FSIP2: variants seen among roughly 807,000 people sequenced by gnomAD.
FSIP2 encodes the protein fibrous sheath-interacting protein 2.
FSIP2 carries 367 observed loss-of-function variants against 510.5 expected under a neutral mutation model. That is an observed-to-expected ratio of 0.72 (90% CI 0.66 to 0.78). The LOEUF is 0.78. Ranked by LOEUF, FSIP2 falls within the 30% of genes least tolerant of loss-of-function variation. The pLI is 0.00. For synonymous variants in FSIP2, 2,601 were observed against 2,732.2 expected, an observed-to-expected ratio of 0.95 and a Z score of 1.50; for missense variants, 7,594 against 7,901.7, an observed-to-expected ratio of 0.96 and a Z score of 1.48.
Position 185,788,803 on chromosome 2 carries a change from C to A in FSIP2, c.1667C>A (p.Ser556Ter). The change falls in exon 16 of 23, where the codon TCA becomes TAA. Residue 556 changes from serine (S) to a stop codon, truncating the protein, a stop_gained. Transcript: ENST00000424728. LOFTEE classifies it high-confidence loss of function. ...GACTCCATCCTCTCTTCAGATAGTT[C>A]AAGTTTCTGTAGCACGTGCAGTGAA... Reference protein sequence around the residue: ...SDDSILSSDSSSFCSTCSEDF... With the variant: ...SDDSILSSDS The A allele has an allele frequency of 1.3e-6, 2 of 1,533,856 alleles. No homozygotes were observed. Among genetic ancestry groups the A allele is most frequent in the Non-Finnish European group, 1.7e-6 (2 of 1,145,204 alleles).
intron 10 of FSIP2, among the ~76,000 whole-genome samples, chr2:185,761,329 GTAA>G (rs1246204168): frequency 3.3e-5 from 5 of 151,064 alleles, no homozygotes; most frequent in Non-Finnish European, 7.4e-5. Context: ...ACATTTGGCA[GTAA>G]TAATAATAAT....
chr2:185,786,191 G>A, intron 14 of FSIP2, 61 bp from the exon 15 acceptor site: 1 of 1,053,530 alleles, frequency 9.5e-7, no homozygotes, highest in Non-Finnish European at 1.3e-6. Flanking sequence ...AGAAATTTTG[G>A]GAAAAGTTTT....
intron 7 of FSIP2, among the ~76,000 whole-genome samples, chr2:185,748,405 G>T (rs1171442254): frequency 6.6e-6 from 1 of 151,550 alleles, no homozygotes; most frequent in Non-Finnish European, 1.5e-5. Flanking sequence ...TCCTCCTGAA[G>T]GGCTGGGATT....
chr2:185,828,670 T>A (rs1694056256), intron 21 of FSIP2, among the ~76,000 whole-genome samples: 3 of 151,876 alleles, frequency 2.0e-5, no homozygotes, highest in African/African-American at 7.2e-5. Flanking sequence ...TAAACATTAC[T>A]TCTTTACCGG....
At chr2:185,757,927 C>T (rs1692273495) in intron 9 of FSIP2, among the ~76,000 whole-genome samples, 1 of 151,072 alleles carries the variant, frequency 6.6e-6, no homozygotes, top group Admixed American at 6.6e-5. Flanking sequence ...CTCCCTCATG[C>T]TGTTTATTTG....
intron 19 of FSIP2, among the ~76,000 whole-genome samples, chr2:185,823,823 C>T (rs967841459): frequency 2.0e-5 from 3 of 151,614 alleles, no homozygotes; most frequent in African/African-American, 7.3e-5. Flanking sequence ...TGGAAGCAAT[C>T]CCAATGTCCA....
intron 2 of FSIP2, among the ~76,000 whole-genome samples, chr2:185,740,073 G>A (rs1691893407): frequency 6.6e-6 from 1 of 152,110 alleles, no homozygotes; most frequent in Admixed American, 6.5e-5. Flanking sequence ...TCCAACCAGA[G>A]AGGCTCAGCT....
At chr2:185,769,124 G>T (rs967297387) in intron 13 of FSIP2, among the ~76,000 whole-genome samples, 1 of 152,098 alleles carries the variant, frequency 6.6e-6, no homozygotes, top group Admixed American at 6.6e-5. Flanking sequence ...TGATAGAATG[G>T]TGTATGGTTC....
chr2:185,813,170 T>G (rs1693769560), intron 17 of FSIP2, among the ~76,000 whole-genome samples: 1 of 152,050 alleles, frequency 6.6e-6, no homozygotes, highest in Admixed American at 6.6e-5. Context: ...AATATGTGTA[T>G]TTAGATTTCT....
Position 185,804,122 on chromosome 2 carries a change from T to C in FSIP2, c.14816T>C (p.Leu4939Ser), listed in dbSNP as rs1003485116. 11 of 1,523,052 alleles carry C rather than the reference T, an allele frequency of 7.2e-6. No homozygotes were observed. In the East Asian group the frequency reaches 2.5e-4, roughly 34 times the overall value. The allele number at this position is 1,523,052 out of a possible 1,614,324, so 94.3% of individuals were successfully genotyped here. ...LKAIDPKQRE[L>S]SFIVNSSVFL... is the part of the protein sequence containing the mutation. ...GCAATAGATCCTAAACAAAGAGAATTATCTTTTATTGTGAACTCATCTGTC... is the reference window on the plus strand; with the variant it reads ...GCAATAGATCCTAAACAAAGAGAATCATCTTTTATTGTGAACTCATCTGTC... Residue 4939 changes from leucine to serine, a missense_variant, in exon 17 of 23, where the codon TTA becomes TCA. Coordinates refer to ENST00000424728, the MANE Select transcript of FSIP2 (RefSeq NM_173651.4).
chr2:185,815,214 A>G (rs1442110600), intron 18 of FSIP2, among the ~76,000 whole-genome samples, 157 bp from the exon 19 acceptor site: 1 of 152,020 alleles, frequency 6.6e-6, no homozygotes, highest in African/African-American at 2.4e-5. Flanking sequence ...ATTGGAAGAC[A>G]CCTTTTAATT....
chr2:185,782,016 T>TTAA (rs1692860810), intron 13 of FSIP2, among the ~76,000 whole-genome samples: 1 of 152,192 alleles, frequency 6.6e-6, no homozygotes, highest in Admixed American at 6.5e-5. Context: ...TTTTGTATTT[T>TTAA]TAATAGAGAC....
In FSIP2 at chr2:185,738,811, G is replaced by C; in HGVS notation, c.-84G>C. 1 of 1,535,954 alleles carries C rather than the reference G, an allele frequency of 6.5e-7. No individual in the cohort carries two copies. The highest frequency in any genetic ancestry group is 8.7e-7 in the Non-Finnish European group (1 of 1,146,798). ...GGTCGTTGGGCTCTGGCCATTCCTG[G>C]TCAGGTCCGGACAGAGGGACAACGG... On this transcript the variant is annotated 5_prime_UTR_variant, in exon 1 of 23. Coordinates refer to ENST00000424728, the MANE Select transcript of FSIP2 (RefSeq NM_173651.4).
chr2:185,739,486 A>T lies in FSIP2; in HGVS notation c.225+15A>T. 1 of 1,489,278 alleles carries T rather than the reference A, an allele frequency of 6.7e-7. No homozygotes were observed. The allele number at this position is 1,489,278 out of a possible 1,614,324, so 92.3% of individuals were successfully genotyped here. ...TCGGTGAAAAGGTGAACAAGTTTTTATCGTCTTTCTTTCCTTTACCCTTTA... is the reference window on the plus strand; with the variant it reads ...TCGGTGAAAAGGTGAACAAGTTTTTTTCGTCTTTCTTTCCTTTACCCTTTA... On this transcript the variant is annotated intron_variant, in intron 2 of 22. Coordinates refer to ENST00000424728, the MANE Select transcript of FSIP2 (RefSeq NM_173651.4).
rs1694007317 is a variant in FSIP2, at chr2:185,825,999, G to A, written c.20473+1519G>A. Among the ~76,000 whole-genome samples the A allele has an allele frequency of 1.3e-5, 2 of 151,760 alleles. 1 individual carries two copies. Among genetic ancestry groups the A allele is most frequent in the Admixed American group, 1.3e-4 (2 of 15,196 alleles). On this transcript the variant is annotated intron_variant, in intron 20 of 22. Coordinates refer to ENST00000424728, the MANE Select transcript of FSIP2 (RefSeq NM_173651.4). The stretch of plus-strand genomic sequence containing the variant: ...TTCTACTGTACTTTATCTATGTTAA[G>A]ATACACGAATACTTACCATTGTGTT...
Position 185,788,706 on chromosome 2 carries a change from A to G in FSIP2, c.1570A>G (p.Thr524Ala). 6.5e-7 allele frequency: 1 copy of G among 1,532,912 alleles called. No homozygotes were observed. The highest frequency in any genetic ancestry group is 8.7e-7 in the Non-Finnish European group (1 of 1,144,644). The allele number at this position is 1,532,912 out of a possible 1,614,324, so 95.0% of individuals were successfully genotyped here. Residue 524 changes from threonine to alanine, a missense_variant, in exon 16 of 23, where the codon ACC becomes GCC. Physicochemically the swap from Thr to Ala is moderately conservative, Grantham distance 58 (BLOSUM62 0). Transcript: ENST00000424728. ...NVMTWVVATV[T>A]SILYPAITKY... ...AATGACCTGGGTTGTGGCTACAGTGACCAGTATATTGTACCCAGCCATCAC... is the reference window on the plus strand; with the variant it reads ...AATGACCTGGGTTGTGGCTACAGTGGCCAGTATATTGTACCCAGCCATCAC...
chr2:185,791,713 T>A lies in FSIP2; in HGVS notation c.4577T>A (p.Ile1526Asn), dbSNP rs912987337. 4 of 1,534,448 alleles carry A rather than the reference T, an allele frequency of 2.6e-6. No individual in the cohort carries two copies. Among genetic ancestry groups the A allele is most frequent in the Non-Finnish European group, 3.5e-6 (4 of 1,145,604 alleles). Residue 1526 changes from isoleucine (I) to asparagine (N), a missense_variant, in exon 16 of 23, where the codon ATT becomes AAT. Ile to Asn is a moderately radical substitution (Grantham distance 149, BLOSUM62 -3). Transcript: ENST00000424728. ...LDIDNPSFAS[I>N]IEKMAKSTKI... ...ATTGACAACCCATCATTTGCTTCAA[T>A]TATTGAGAAAATGGCCAAATCCACC... is the stretch of plus-strand genomic sequence containing the variant.
In FSIP2 at chr2:185,806,591, A is replaced by C; in HGVS notation, c.17285A>C (p.Lys5762Thr). ...REKEKVREEI[K>T]SEPSKPDDPQ... is the part of the protein sequence containing the mutation. ...AAAGAGAAAGTAAGAGAGGAGATTA[A>C]AAGTGAACCCAGTAAACCAGATGAT... The change falls in exon 17 of 23, where the codon AAA (lysine) becomes ACA (threonine). Residue 5762 changes from lysine to threonine, a missense_variant. Coordinates refer to ENST00000424728, the MANE Select transcript of FSIP2 (RefSeq NM_173651.4). 6.2e-7 allele frequency: 1 copy of C among 1,608,012 alleles called. No homozygotes were observed. Among genetic ancestry groups the C allele is most frequent in the African/African-American group, 1.3e-5 (1 of 74,472 alleles).
chr2:185,796,549 A>G lies in FSIP2; in HGVS notation c.9413A>G (p.Gln3138Arg), dbSNP rs757526333. 2.0e-4 allele frequency: 310 copies of G among 1,534,984 alleles called. 2 individuals carry two copies. The highest frequency in any genetic ancestry group is 6.7e-4 in the Middle Eastern group (4 of 5,998). Reference protein sequence around the residue: ...QCTYFNESLIQNLSRESLFQG... With the variant: ...QCTYFNESLIRNLSRESLFQG... The stretch of plus-strand genomic sequence containing the variant: ...ACTTATTTCAATGAGTCTTTGATAC[A>G]AAACCTTTCAAGAGAAAGTTTGTTC... Residue 3138 changes from glutamine to arginine, a missense_variant, in exon 16 of 23, where the codon CAA becomes CGA. Physicochemically the swap from Gln to Arg is conservative, Grantham distance 43. Coordinates refer to ENST00000424728, the MANE Select transcript of FSIP2 (RefSeq NM_173651.4).
Sources: gnomAD v4.1 joint callset for allele counts (sites outside exome capture counted in the v4.1 genomes callset) on GRCh38, gnomAD v4.1.1 for gene constraint, MANE v1.5 for transcripts, NCBI Gene and HGNC (gene_info 2026-07-23, HGNC 2026-07-21) for gene names.